SLC5A8: variants seen among roughly 807,000 people sequenced by gnomAD.
SLC5A8 encodes sodium-coupled monocarboxylate transporter 1.
Under a neutral mutation model 71.9 loss-of-function variants are expected in SLC5A8, and 55 were observed. The ratio of observed to expected loss-of-function variants is 0.77; its 90% CI spans 0.62 to 0.96. The LOEUF is 0.96. SLC5A8 is among the 40% of genes least tolerant of loss of function. SLC5A8 has a pLI of 0.00. For missense variants in SLC5A8, 701 were observed against 745.3 expected (o/e 0.94, Z 0.69); for synonymous variants, 307 against 276.1 (o/e 1.11, Z -1.11).
intron 1 of SLC5A8, among the ~76,000 whole-genome samples, chr12:101,208,582 T>G (rs1282942537): frequency 6.6e-6 from 1 of 152,156 alleles, no homozygotes; most frequent in East Asian, 1.9e-4. Flanking sequence ...CATCATCTTT[T>G]CAAAGCCCTT....
intron 10 of SLC5A8, among the ~76,000 whole-genome samples, chr12:101,177,387 TC>T (rs1381877348): frequency 1.3e-5 from 2 of 151,252 alleles, no homozygotes; most frequent in Non-Finnish European, 2.9e-5. Flanking sequence ...ACAGAATCCT[TC>T]CCAATTTATT....
At chr12:101,174,458 CT>C (rs1192192650) in intron 10 of SLC5A8, among the ~76,000 whole-genome samples, 1 of 152,182 alleles carries the variant, frequency 6.6e-6, no homozygotes, top group Non-Finnish European at 1.5e-5. Context: ...CATTGTCAGA[CT>C]TTGGGGGTCC....
At chr12:101,184,840 C>T (rs549229746) in intron 7 of SLC5A8, among the ~76,000 whole-genome samples, 2 of 152,300 alleles carry the variant, frequency 1.3e-5, no homozygotes, top group South Asian at 4.1e-4. Flanking sequence ...CTGATACTAA[C>T]TTGCTTTTTG....
intron 10 of SLC5A8, among the ~76,000 whole-genome samples, chr12:101,175,350 T>C (rs1438810790): frequency 1.3e-5 from 2 of 152,052 alleles, no homozygotes; most frequent in South Asian, 2.1e-4. Flanking sequence ...ATTCATGTCA[T>C]GAGAGTCCCA....
At chr12:101,178,028 T>C (rs544977928) in intron 10 of SLC5A8, among the ~76,000 whole-genome samples, 1 of 152,148 alleles carries the variant, frequency 6.6e-6, no homozygotes, top group Middle Eastern at 3.4e-3. Context: ...AAGCAAAAAA[T>C]TATCAGAACT....
At chr12:101,209,036 G>A (rs1869794719) in intron 1 of SLC5A8, among the ~76,000 whole-genome samples, 1 of 152,136 alleles carries the variant, frequency 6.6e-6, no homozygotes, top group African/African-American at 2.4e-5. Context: ...GGGGAAGGAA[G>A]GGGAGTACAA....
chr12:101,164,051 T>A (rs1170182869), intron 12 of SLC5A8, among the ~76,000 whole-genome samples: 1 of 152,178 alleles, frequency 6.6e-6, no homozygotes, highest in Non-Finnish European at 1.5e-5. Flanking sequence ...GATTGCAGGG[T>A]AGACAAGGAT....
Position 101,158,305 on chromosome 12 carries a change from G to A in SLC5A8, c.1654C>T (p.Pro552Ser). ...TCCTCTTTGGTTAGTATGTATCTGGGGTCTAAGTTCTGTTTTCTTCCTCCT... is the reference window on the plus strand; with the variant it reads ...TCCTCTTTGGTTAGTATGTATCTGGAGTCTAAGTTCTGTTTTCTTCCTCCT... ...STGGRKQNLD[P>S]RYILTKEDFL... Residue 552 changes from proline (P) to serine (S), a missense_variant, in exon 14 of 15, where the codon CCC becomes TCC. By Grantham distance (74) the Pro-to-Ser change is moderately conservative (BLOSUM62 -1). Transcript: ENST00000536262. 1.9e-6 allele frequency: 3 copies of A among 1,585,328 alleles called. No homozygotes were observed. The highest frequency in any genetic ancestry group is 1.8e-5 in the Admixed American group (1 of 56,980).
chr12:101,183,009 TA>T lies in SLC5A8; in HGVS notation c.1053-95del, dbSNP rs577614993. The T allele has an allele frequency of 1.8e-3, 592 of 323,852 alleles. 1 individual carries two copies. The highest frequency in any genetic ancestry group is 0.013 in the African/African-American group (529 of 41,470). The allele number at this position is 323,852 out of a possible 1,614,324, so 20.1% of individuals were successfully genotyped here. A position where few individuals can be genotyped will look rare whatever the true frequency, so the allele number is the denominator to read the frequency against. On this transcript the variant is annotated intron_variant, in intron 8 of 14. Coordinates refer to ENST00000536262, the MANE Select transcript of SLC5A8 (RefSeq NM_145913.5). Reference sequence around the variant, plus strand: ...AAAGGGGGAAACAAATTGTCACTTCTAAAATATAACCTGATTTCTACTATGC... The same window carrying T: ...AAAGGGGGAAACAAATTGTCACTTCTAAATATAACCTGATTTCTACTATGC...
rs776303654 is a variant in SLC5A8, at chr12:101,168,113, G to A, written c.1303C>T (p.Pro435Ser). The change falls in exon 11 of 15, where the codon CCC becomes TCC. Residue 435 changes from proline (P) to serine (S), a missense_variant. By Grantham distance (74) the Pro-to-Ser change is moderately conservative. Coordinates refer to ENST00000536262, the MANE Select transcript of SLC5A8 (RefSeq NM_145913.5). ...MGLFALGILV[P>S]FANSIGALVG... ...GTACTTACAATTGAGTTGGCAAAGGGAACCAAAATGCCCAAAGCGAACAGG... is the reference window on the plus strand; with the variant it reads ...GTACTTACAATTGAGTTGGCAAAGGAAACCAAAATGCCCAAAGCGAACAGG... 1.9e-6 allele frequency: 3 copies of A among 1,609,040 alleles called. No homozygotes were observed. Among genetic ancestry groups the A allele is most frequent in the Non-Finnish European group, 2.5e-6 (3 of 1,177,506 alleles).
intron 10 of SLC5A8, among the ~76,000 whole-genome samples, chr12:101,173,494 G>C (rs2051850861): frequency 6.6e-6 from 1 of 152,192 alleles, no homozygotes; most frequent in African/African-American, 2.4e-5. Context: ...CAGCTCACAG[G>C]GCTCTGGATC....
intron 2 of SLC5A8, among the ~76,000 whole-genome samples, chr12:101,203,250 A>T (rs1260252847): frequency 6.6e-6 from 1 of 152,242 alleles, no homozygotes; most frequent in African/African-American, 2.4e-5. Context: ...AGGACTGATA[A>T]AATTTAAGTT....
intron 6 of SLC5A8, among the ~76,000 whole-genome samples, chr12:101,188,916 A>G (rs1420965244): frequency 1.3e-5 from 2 of 152,170 alleles, no homozygotes; most frequent in South Asian, 2.1e-4. Flanking sequence ...TTGACCACTT[A>G]TCAACATCTC....
chr12:101,198,780 G>A (rs1869307358), intron 3 of SLC5A8, among the ~76,000 whole-genome samples: 1 of 151,864 alleles, frequency 6.6e-6, no homozygotes, highest in Non-Finnish European at 1.5e-5. Flanking sequence ...ATTCATTTAT[G>A]AAGCCTTATC....
rs778188770 is a variant in SLC5A8 at position 101,158,325 on chromosome 12, C to T, written c.1634G>A (p.Gly545Glu). Residue 545 changes from glycine (G) to glutamate (E), a missense_variant, in exon 14 of 15, where the codon GGA becomes GAA. Gly to Glu is a moderately conservative substitution (Grantham distance 98). Coordinates refer to ENST00000536262, the MANE Select transcript of SLC5A8 (RefSeq NM_145913.5). Reference sequence around the variant, plus strand: ...TCTGGGGTCTAAGTTCTGTTTTCTTCCTCCTGGAAAAAAAAATGTACATGA... The same window carrying T: ...TCTGGGGTCTAAGTTCTGTTTTCTTTCTCCTGGAAAAAAAAATGTACATGA... ...VGILVSLSTG[G>E]RKQNLDPRYI... is the part of the protein sequence containing the mutation. 3 of 1,577,364 alleles carry T rather than the reference C, an allele frequency of 1.9e-6. No individual in the cohort carries two copies. In the African/African-American group the frequency reaches 4.1e-5, roughly 22 times the overall value.
At chr12:101,167,967 A>C in intron 11 of SLC5A8, 129 bp downstream of exon 11, 1 of 886,348 alleles carries the variant, frequency 1.1e-6, no homozygotes, top group Non-Finnish European at 1.7e-6. Context: ...CAAAGTCAAC[A>C]GAAATAATTT....
intron 1 of SLC5A8, 152 bp downstream of exon 1, chr12:101,209,346 C>T (rs181468061): frequency 3.0e-5 from 19 of 633,642 alleles, no homozygotes; most frequent in South Asian, 2.7e-4. Context: ...GATCGGGGGA[C>T]GGGGAGGAGT....
At chr12:101,170,663 C>T (rs1009318869) in intron 10 of SLC5A8, among the ~76,000 whole-genome samples, 10 of 152,288 alleles carry the variant, frequency 6.6e-5, no homozygotes, top group East Asian at 5.8e-4. Flanking sequence ...AGACCCCAAC[C>T]GCTCCATTCC....
At chr12:101,185,797 C>T (rs1426770943) in intron 7 of SLC5A8, among the ~76,000 whole-genome samples, 6 of 152,116 alleles carry the variant, frequency 3.9e-5, no homozygotes, top group African/African-American at 9.7e-5. Context: ...AGGCTGGTCT[C>T]GAACTCCTGA....
Sources: allele counts gnomAD v4.1 joint callset (sites outside exome capture counted in the v4.1 genomes callset), GRCh38; gene constraint gnomAD v4.1.1; transcripts MANE v1.5; gene names NCBI Gene and HGNC (gene_info 2026-07-23, HGNC 2026-07-21).